Variants in PXDNL observed in about 807,000 individuals in gnomAD.
The protein encoded by PXDNL is probable oxidoreductase PXDNL.
A neutral mutation model predicts 150.8 loss-of-function variants in PXDNL; 145 were observed. The ratio of observed to expected loss-of-function variants is 0.96; its 90% CI spans 0.84 to 1.10. The LOEUF (loss-of-function observed/expected upper bound fraction) is 1.10, where lower values mean the gene tolerates loss of function less well. Ranked by LOEUF, PXDNL falls within the 50% of genes least tolerant of loss-of-function variation. The pLI is 0.00. For synonymous variants in PXDNL, 757 were observed against 725.7 expected (o/e 1.04, Z -0.69); for missense variants, 2,087 against 1,873.9 (o/e 1.11, Z -2.10).
chr8:51,516,840 A>G (rs573495348), intron 4 of PXDNL, among the ~76,000 whole-genome samples: 24 of 152,310 alleles, frequency 1.6e-4, no homozygotes, highest in Admixed American at 4.6e-4. Context: ...TGCCTAAAAG[A>G]GTTAAAATGC....
intron 1 of PXDNL, among the ~76,000 whole-genome samples, chr8:51,737,564 A>G (rs1817063442): frequency 6.6e-6 from 1 of 152,182 alleles, no homozygotes; most frequent in Admixed American, 6.5e-5. Flanking sequence ...GATGAAGAGT[A>G]TCTCTCCCAA....
chr8:51,464,132 G>T (rs2392902), intron 8 of PXDNL, among the ~76,000 whole-genome samples: 1 of 151,974 alleles, frequency 6.6e-6, no homozygotes, highest in African/African-American at 2.4e-5. Context: ...GGGAGGCTGA[G>T]GCAGGAGGAC....
intron 19 of PXDNL, among the ~76,000 whole-genome samples, chr8:51,356,444 G>A (rs1266003055): frequency 6.7e-6 from 1 of 149,940 alleles, no homozygotes; most frequent in Non-Finnish European, 1.5e-5. Flanking sequence ...AGCCGAGATT[G>A]CCCCATTGCA....
chr8:51,636,831 C>T (rs1308690971), intron 2 of PXDNL, among the ~76,000 whole-genome samples: 1 of 150,302 alleles, frequency 6.7e-6, no homozygotes, highest in Non-Finnish European at 1.5e-5. Context: ...AAGTAGAAAA[C>T]CTGTCCTGAG....
At chr8:51,797,764 G>C (rs2037576869) in intron 1 of PXDNL, among the ~76,000 whole-genome samples, 1 of 152,050 alleles carries the variant, frequency 6.6e-6, no homozygotes, top group African/African-American at 2.4e-5. Flanking sequence ...GTAATTTGTA[G>C]ATTCAATGCT....
chr8:51,683,093 A>G (rs1211290839), intron 1 of PXDNL, among the ~76,000 whole-genome samples: 8 of 145,516 alleles, frequency 5.5e-5, no homozygotes, highest in Admixed American at 4.9e-4. Context: ...TGGCTGCACC[A>G]TTTTGCATTC....
At chr8:51,468,815 G>A (rs1455356972) in intron 8 of PXDNL, among the ~76,000 whole-genome samples, 1 of 151,850 alleles carries the variant, frequency 6.6e-6, no homozygotes, top group African/African-American at 2.4e-5. Flanking sequence ...CAAAAATGAG[G>A]CATGTAAAAT....
At chr8:51,414,531 T>C (rs1478340593) in intron 14 of PXDNL, among the ~76,000 whole-genome samples, 1 of 151,652 alleles carries the variant, frequency 6.6e-6, no homozygotes, top group Admixed American at 6.6e-5. Context: ...TGTCAAGTCA[T>C]TGCAGCCTTT....
chr8:51,414,434 A>G (rs1230544243), intron 14 of PXDNL, among the ~76,000 whole-genome samples: 2 of 151,798 alleles, frequency 1.3e-5, no homozygotes, highest in African/African-American at 4.8e-5. Flanking sequence ...TATTGTAAGG[A>G]AAGAATAAAA....
chr8:51,501,600 T>A (rs1240637630), intron 4 of PXDNL, among the ~76,000 whole-genome samples: 1 of 151,352 alleles, frequency 6.6e-6, no homozygotes, highest in African/African-American at 2.4e-5. Flanking sequence ...TCACCTAATC[T>A]CACACACTCA....
At chr8:51,643,768 G>A (rs963841863) in intron 2 of PXDNL, among the ~76,000 whole-genome samples, 7 of 152,120 alleles carry the variant, frequency 4.6e-5, no homozygotes, top group Admixed American at 6.6e-5. Context: ...CCTACAGAAT[G>A]GGAGAAAATT....
At chr8:51,359,923 C>G (rs1281034819) in intron 19 of PXDNL, among the ~76,000 whole-genome samples, 1 of 151,928 alleles carries the variant, frequency 6.6e-6, no homozygotes, top group African/African-American at 2.4e-5. Flanking sequence ...AAGTAAGATG[C>G]TCTTCACTGT....
intron 1 of PXDNL, among the ~76,000 whole-genome samples, chr8:51,720,797 C>T (rs1816714405): frequency 6.6e-6 from 1 of 152,238 alleles, no homozygotes; most frequent in African/African-American, 2.4e-5. Flanking sequence ...GGTCACGGCG[C>T]TTTTCCCTCT....
intron 3 of PXDNL, 79 bp from the exon 4 acceptor site, chr8:51,556,990 T>C (rs771034033): frequency 2.4e-6 from 2 of 817,796 alleles, no homozygotes; most frequent in Non-Finnish European, 2.1e-6. Flanking sequence ...TTTTAAACTA[T>C]AAGCTGTGGA....
chr8:51,565,643 C>T (rs1329624229), intron 3 of PXDNL, among the ~76,000 whole-genome samples: 1 of 151,762 alleles, frequency 6.6e-6, no homozygotes, highest in Non-Finnish European at 1.5e-5. Context: ...GACAGTGACA[C>T]CTTTGCTTTC....
chr8:51,372,719 A>G (rs1807163681), intron 18 of PXDNL, among the ~76,000 whole-genome samples: 1 of 152,236 alleles, frequency 6.6e-6, no homozygotes, highest in South Asian at 2.1e-4. Flanking sequence ...AACTAACCTT[A>G]GAAACTGTCT....
chr8:51,646,855 C>G (rs181492739), intron 2 of PXDNL, among the ~76,000 whole-genome samples: 40 of 152,148 alleles, frequency 2.6e-4, no homozygotes, highest in African/African-American at 9.2e-4. Context: ...CTGCCACTGC[C>G]TGGGAGAGAA....
intron 1 of PXDNL, among the ~76,000 whole-genome samples, chr8:51,799,057 A>G (rs1189608180): frequency 1.3e-5 from 2 of 152,258 alleles, no homozygotes; most frequent in Non-Finnish European, 2.9e-5. Context: ...CTATGCAGCC[A>G]TAAAAAGGAA....
chr8:51,608,342 T>C (rs1392262183), intron 2 of PXDNL, among the ~76,000 whole-genome samples: 1 of 137,052 alleles, frequency 7.3e-6, no homozygotes, highest in African/African-American at 3.0e-5. Flanking sequence ...TGAGCCGAGA[T>C]TGCACCACTG....
Sources: allele counts gnomAD v4.1 joint callset (sites outside exome capture counted in the v4.1 genomes callset), GRCh38; gene constraint gnomAD v4.1.1; transcripts MANE v1.5; gene names NCBI Gene and HGNC (gene_info 2026-07-23, HGNC 2026-07-21).